Variants in CCDC141 observed in about 807,000 individuals in gnomAD.
CCDC141 encodes coiled-coil domain containing 141.
Under a neutral mutation model 181.0 loss-of-function variants are expected in CCDC141, and 168 were observed. The observed-to-expected ratio is 0.93, with a 90% confidence interval of 0.82 to 1.05. The LOEUF (loss-of-function observed/expected upper bound fraction) is 1.05, where lower values mean the gene tolerates loss of function less well. Among genes scored for constraint, CCDC141 ranks in the 50% least tolerant of loss-of-function variants. CCDC141 has a pLI of 0.00. For missense variants in CCDC141, 1,902 were observed against 1,788.5 expected (o/e 1.06, Z -1.14); for synonymous variants, 666 against 642.3 (o/e 1.04, Z -0.56).
intron 2 of CCDC141, among the ~76,000 whole-genome samples, chr2:179,010,634 G>A (rs1012523306): frequency 2.0e-5 from 3 of 152,004 alleles, no homozygotes; most frequent in South Asian, 2.1e-4. Context: ...CACCACTACA[G>A]GAACTGCTAA....
intron 2 of CCDC141, among the ~76,000 whole-genome samples, chr2:179,015,102 A>G (rs1264131378): frequency 7.4e-5 from 2 of 27,052 alleles, no homozygotes; most frequent in East Asian, 1.3e-3. Context: ...ATATATATAT[A>G]TAATATATAT....
At chr2:179,028,952 G>A (rs1464119827) in intron 2 of CCDC141, among the ~76,000 whole-genome samples, 1 of 151,950 alleles carries the variant, frequency 6.6e-6, no homozygotes, top group East Asian at 1.9e-4. Flanking sequence ...CCCACTCTTG[G>A]CCACAATCAA....
chr2:179,010,871 A>G (rs1393736284), intron 2 of CCDC141, among the ~76,000 whole-genome samples: 2 of 152,190 alleles, frequency 1.3e-5, no homozygotes, highest in African/African-American at 4.8e-5. Flanking sequence ...TAAAAGATAC[A>G]GAACCGGCTG....
At chr2:179,043,318 A>G (rs1575384447) in intron 2 of CCDC141, among the ~76,000 whole-genome samples, 1 of 152,148 alleles carries the variant, frequency 6.6e-6, no homozygotes, top group Non-Finnish European at 1.5e-5. Flanking sequence ...TACCATTCCT[A>G]CTGAAACTAT....
intron 2 of CCDC141, among the ~76,000 whole-genome samples, chr2:179,009,772 T>A (rs2042215989): frequency 6.6e-6 from 1 of 152,062 alleles, no homozygotes; most frequent in Non-Finnish European, 1.5e-5. Flanking sequence ...ATCACATTAG[T>A]TCACCAGCAA....
chr2:178,828,965 G>A (rs2886804), downstream of CCDC141, among the ~76,000 whole-genome samples: 150,744 of 152,294 alleles, frequency 0.99, 74,622 homozygotes, highest in Middle Eastern at 1. Context: ...CAAAGGAAAA[G>A]GATTTCATTT....
At chr2:178,943,077 A>G (rs1689586475) in intron 6 of CCDC141, among the ~76,000 whole-genome samples, 1 of 152,136 alleles carries the variant, frequency 6.6e-6, no homozygotes, top group East Asian at 1.9e-4. Context: ...TGTCTAAATT[A>G]TGTGTACACT....
At chr2:178,902,994 A>C (rs1327546125) in intron 8 of CCDC141, among the ~76,000 whole-genome samples, 1 of 149,264 alleles carries the variant, frequency 6.7e-6, no homozygotes, top group Non-Finnish European at 1.5e-5. Context: ...CAGCCAAAAA[A>C]CACATGAAAA....
At chr2:178,880,475 G>A (rs1433384046) in intron 11 of CCDC141, among the ~76,000 whole-genome samples, 1 of 152,144 alleles carries the variant, frequency 6.6e-6, no homozygotes, top group African/African-American at 2.4e-5. Flanking sequence ...CTGGATAAGA[G>A]ATGATGACAG....
intron 8 of CCDC141, among the ~76,000 whole-genome samples, chr2:178,890,957 AG>A (rs1449724720): frequency 1.1e-4 from 17 of 152,188 alleles, no homozygotes; most frequent in African/African-American, 3.6e-4. Flanking sequence ...GTGTCAGAAA[AG>A]TAGCAATAAC....
intron 4 of CCDC141, among the ~76,000 whole-genome samples, chr2:178,972,668 C>T (rs1250041013): frequency 2.6e-5 from 4 of 152,116 alleles, no homozygotes; most frequent in Non-Finnish European, 5.9e-5. Context: ...AATCCGGAAA[C>T]CATATTTGCT....
intron 2 of CCDC141, chr2:179,002,550 T>C: frequency 2.7e-6 from 1 of 367,372 alleles, no homozygotes; most frequent in Non-Finnish European, 5.3e-6. Flanking sequence ...ACAAAGAAGG[T>C]AAGCCTAGGA....
chr2:178,918,935 T>C (rs1483493628), intron 6 of CCDC141, 28 bp from the exon 7 acceptor site: 3 of 1,534,264 alleles, frequency 2.0e-6, no homozygotes, highest in Admixed American at 2.0e-5. Flanking sequence ...TATTATTTTA[T>C]ACATCTCCTC....
chr2:178,899,895 G>T (rs1206218304), intron 8 of CCDC141, among the ~76,000 whole-genome samples: 1 of 152,110 alleles, frequency 6.6e-6, no homozygotes, highest in Non-Finnish European at 1.5e-5. Context: ...ATGAGGAAAG[G>T]AAGCAAATCC....
chr2:178,884,519 G>A (rs964022496), intron 11 of CCDC141, among the ~76,000 whole-genome samples: 1 of 152,098 alleles, frequency 6.6e-6, no homozygotes, highest in African/African-American at 2.4e-5. Context: ...TAGATTTGCT[G>A]AGGCTAATCA....
At chr2:178,914,850 A>G (rs1688371979) in intron 7 of CCDC141, among the ~76,000 whole-genome samples, 1 of 152,182 alleles carries the variant, frequency 6.6e-6, no homozygotes, top group Admixed American at 6.5e-5. Flanking sequence ...AGTAAATAAT[A>G]ATATCCCTAT....
intron 9 of CCDC141, 109 bp downstream of exon 9, chr2:178,888,418 G>A: frequency 1.1e-6 from 1 of 940,548 alleles, no homozygotes; most frequent in South Asian, 1.6e-5. Flanking sequence ...GGTACATAAG[G>A]GCAGCCTAAG....
rs1249353016 is a variant in CCDC141, at chr2:178,869,222, T to C, written c.2289A>G (p.Gln763=). Residue 763 remains glutamine (Q), a synonymous_variant, in exon 15 of 24, where the codon CAA becomes CAG. Coordinates refer to ENST00000443758, the MANE Select transcript of CCDC141 (RefSeq NM_173648.4). Reference sequence around the variant, plus strand: ...GGAAGTGAATAAGGTCCTTCAGTTGTTGAGACTTTTCTTTTACAGGGGCTC... The same window carrying C: ...GGAAGTGAATAAGGTCCTTCAGTTGCTGAGACTTTTCTTTTACAGGGGCTC... ...GRGAPVKEKS[Q]QLKDLIHFHQ... is the part of the protein sequence containing the mutation. 3 of 1,613,758 alleles carry C rather than the reference T, an allele frequency of 1.9e-6. No individual in the cohort carries two copies. The highest frequency in any genetic ancestry group is 2.5e-6 in the Non-Finnish European group (3 of 1,179,778).
chr2:178,982,364 A>G (rs1286961756), intron 2 of CCDC141, among the ~76,000 whole-genome samples: 3 of 152,234 alleles, frequency 2.0e-5, no homozygotes, highest in African/African-American at 7.2e-5. Context: ...AGCATCAGAA[A>G]GAATAAAATA....
Sources: allele counts gnomAD v4.1 joint callset (sites outside exome capture counted in the v4.1 genomes callset), GRCh38; gene constraint gnomAD v4.1.1; transcripts MANE v1.5; gene names NCBI Gene and HGNC (gene_info 2026-07-23, HGNC 2026-07-21).